KCNH7: variants seen among roughly 807,000 people sequenced by gnomAD.
KCNH7 encodes potassium voltage-gated channel subfamily H member 7.
In KCNH7, 49 loss-of-function variants were observed where a neutral mutation model predicts 120.8. That is an observed-to-expected ratio of 0.41 (90% confidence interval 0.32 to 0.51). KCNH7 has a LOEUF of 0.51. KCNH7 is among the 20% of genes least tolerant of loss of function. KCNH7 has a pLI of 0.38. For synonymous variants in KCNH7, 547 were observed against 516.1 expected, an observed-to-expected ratio of 1.06 and a Z score of -0.81; for missense variants, 1,097 against 1,446.6, an observed-to-expected ratio of 0.76 and a Z score of 3.92.
intron 2 of KCNH7, among the ~76,000 whole-genome samples, chr2:162,573,780 T>G (rs1269898335): frequency 6.6e-6 from 1 of 152,028 alleles, no homozygotes; most frequent in Non-Finnish European, 1.5e-5. Flanking sequence ...ACTTGACTGC[T>G]TTACAAAATA....
chr2:162,473,165 A>G (rs1689620512), intron 6 of KCNH7, among the ~76,000 whole-genome samples: 1 of 152,162 alleles, frequency 6.6e-6, no homozygotes. Context: ...GCACACGTAT[A>G]CATATGTAAC....
chr2:162,459,791 A>G (rs1429310825), intron 6 of KCNH7, among the ~76,000 whole-genome samples: 9 of 152,032 alleles, frequency 5.9e-5, no homozygotes, highest in Admixed American at 5.9e-4. Flanking sequence ...GGTGGGGTGA[A>G]TAGCGGTAAA....
At chr2:162,771,985 T>C in intron 2 of KCNH7, 1 of 152,166 alleles carries the variant, frequency 6.6e-6, no homozygotes, top group East Asian at 1.9e-4. Flanking sequence ...AGTCACCAGC[T>C]TAACAGGTAA....
chr2:162,700,641 A>T (rs1296023071), intron 2 of KCNH7, among the ~76,000 whole-genome samples: 1 of 152,198 alleles, frequency 6.6e-6, no homozygotes, highest in Non-Finnish European at 1.5e-5. Context: ...CTGTCAGCAT[A>T]TTTGAAAAAT....
chr2:162,669,557 C>G (rs982186047), intron 2 of KCNH7, among the ~76,000 whole-genome samples: 3 of 152,298 alleles, frequency 2.0e-5, no homozygotes, highest in South Asian at 2.1e-4. Context: ...AACAAGGACA[C>G]TTTTAAAGCA....
intron 2 of KCNH7, among the ~76,000 whole-genome samples, chr2:162,645,963 A>G (rs1347827447): frequency 6.6e-6 from 1 of 152,192 alleles, no homozygotes; most frequent in African/African-American, 2.4e-5. Context: ...TTATTTGCCC[A>G]TCTAATTCTA....
intron 2 of KCNH7, among the ~76,000 whole-genome samples, chr2:162,645,942 G>A (rs982609258): frequency 6.6e-6 from 1 of 152,132 alleles, no homozygotes; most frequent in Non-Finnish European, 1.5e-5. Context: ...CTGTTGATAA[G>A]CCAGTCACAG....
chr2:162,710,519 C>T (rs1380706465), intron 2 of KCNH7, among the ~76,000 whole-genome samples: 1 of 152,160 alleles, frequency 6.6e-6, no homozygotes, highest in Admixed American at 6.6e-5. Context: ...TCAGAAAGTG[C>T]AAGCAAGTTA....
At chr2:162,553,573 C>T (rs1235883438) in intron 2 of KCNH7, among the ~76,000 whole-genome samples, 4 of 151,846 alleles carry the variant, frequency 2.6e-5, no homozygotes, top group South Asian at 2.1e-4. Flanking sequence ...GGCGTGAACC[C>T]GGGAGGTGGA....
intron 2 of KCNH7, among the ~76,000 whole-genome samples, chr2:162,674,363 T>A (rs1488633249): frequency 6.6e-6 from 1 of 151,810 alleles, no homozygotes; most frequent in African/African-American, 2.4e-5. Flanking sequence ...TCTGAGTAAA[T>A]GGAACAATAT....
chr2:162,629,837 A>C (rs1012356138), intron 2 of KCNH7, among the ~76,000 whole-genome samples: 1 of 152,110 alleles, frequency 6.6e-6, no homozygotes, highest in African/African-American at 2.4e-5. Flanking sequence ...TTTGAAGTGA[A>C]TCTTTAGAGA....
At chr2:162,394,702 G>A (rs1464295652) in intron 11 of KCNH7, among the ~76,000 whole-genome samples, 2 of 151,856 alleles carry the variant, frequency 1.3e-5, no homozygotes, top group Non-Finnish European at 2.9e-5. Flanking sequence ...ATTTGCTGGG[G>A]AAATCATAGT....
chr2:162,836,664 C>A lies in KCNH7; in HGVS notation c.180G>T (p.Met60Ile), dbSNP rs1685673511. 1 of 1,613,994 alleles carries A rather than the reference C, an allele frequency of 6.2e-7. No individual in the cohort carries two copies. The change falls in exon 2 of 16, where the codon ATG (methionine) becomes ATT (isoleucine). Residue 60 changes from methionine to isoleucine, a missense_variant. By Grantham distance (10) the Met-to-Ile change is conservative. Transcript: ENST00000332142. The part of the protein sequence containing the change: ...EMTGFSRPDV[M>I]QKPCTCDFLH... ...GAAAGTCGCAGGTGCATGGCTTTTG[C>A]ATGACATCTGGCCTGGAGAAACCAG...
chr2:162,689,788 T>G (rs1341342728), intron 2 of KCNH7, among the ~76,000 whole-genome samples: 1 of 152,142 alleles, frequency 6.6e-6, no homozygotes, highest in African/African-American at 2.4e-5. Context: ...GCAGAAAATA[T>G]ATTTTTAACA....
At chr2:162,605,018 A>G (rs1293584211) in intron 2 of KCNH7, among the ~76,000 whole-genome samples, 1 of 152,142 alleles carries the variant, frequency 6.6e-6, no homozygotes, top group Non-Finnish European at 1.5e-5. Flanking sequence ...ATGCTTATTA[A>G]TTATTTCATA....
intron 2 of KCNH7, among the ~76,000 whole-genome samples, chr2:162,654,526 A>T (rs1255311907): frequency 6.6e-6 from 1 of 152,144 alleles, no homozygotes; most frequent in Non-Finnish European, 1.5e-5. Flanking sequence ...GGAGAAAAGG[A>T]AAACCTTGCA....
chr2:162,754,949 G>C (rs1688732617), intron 2 of KCNH7, among the ~76,000 whole-genome samples: 1 of 151,990 alleles, frequency 6.6e-6, no homozygotes, highest in Non-Finnish European at 1.5e-5. Context: ...ACATTGGGCT[G>C]GAATCAACTA....
intron 2 of KCNH7, among the ~76,000 whole-genome samples, chr2:162,579,565 T>C (rs761622966): frequency 3.3e-5 from 5 of 152,068 alleles, no homozygotes; most frequent in Non-Finnish European, 4.4e-5. Flanking sequence ...CAAAAACCTG[T>C]AGGGCCTCTC....
chr2:162,591,824 T>G (rs115391415), intron 2 of KCNH7, among the ~76,000 whole-genome samples: 2,121 of 152,232 alleles, frequency 0.014, 40 homozygotes, highest in African/African-American at 0.047. Flanking sequence ...TGACGTATTT[T>G]TCTACTCAAG....
Sources: allele counts gnomAD v4.1 joint callset (sites outside exome capture counted in the v4.1 genomes callset), GRCh38; gene constraint gnomAD v4.1.1; transcripts MANE v1.5; gene names NCBI Gene and HGNC (gene_info 2026-07-23, HGNC 2026-07-21).